Variants in SNTG1 observed in about 807,000 individuals in gnomAD.
SNTG1 encodes gamma-1-syntrophin.
A neutral mutation model predicts 74.7 loss-of-function variants in SNTG1; 39 were observed. That is an observed-to-expected ratio of 0.52 (90% CI 0.40 to 0.68). The LOEUF (loss-of-function observed/expected upper bound fraction) is 0.68. Ranked by LOEUF, SNTG1 falls within the 30% of genes least tolerant of loss-of-function variation. SNTG1 has a pLI of 0.00. For synonymous variants in SNTG1, 254 were observed against 217.1 expected, an observed-to-expected ratio of 1.17 and a Z score of -1.49; for missense variants, 685 against 609.5, an observed-to-expected ratio of 1.12 and a Z score of -1.30.
At chr8:50,274,168 C>A (rs2087948913) in intron 2 of SNTG1, among the ~76,000 whole-genome samples, 1 of 151,806 alleles carries the variant, frequency 6.6e-6, no homozygotes, top group Non-Finnish European at 1.5e-5. Flanking sequence ...GCTCACTGCA[C>A]CCTCGCCTCC....
chr8:50,119,366 G>A (rs1464350301), intron 1 of SNTG1, among the ~76,000 whole-genome samples: 1 of 140,294 alleles, frequency 7.1e-6, no homozygotes, highest in Non-Finnish European at 1.6e-5. Context: ...ACCTTCAGAG[G>A]CAACTTGTGC....
rs540668779 is a variant in SNTG1 at position 50,697,053 on chromosome 8, TATTA to T, written c.1039-7543_1039-7540del. On this transcript the variant is annotated intron_variant, in intron 15 of 18. Transcript: ENST00000642720. ...TTGGGAAATATGGCCATTTTAACAA[TATTA>T]ATTCTATTGATCCATAAGTATGAGC... Among the ~76,000 whole-genome samples the T allele has an allele frequency of 3.0e-4, 46 of 152,268 alleles. 1 individual carries two copies. In the Middle Eastern group the frequency reaches 0.01, roughly 34 times the overall value.
intron 13 of SNTG1, among the ~76,000 whole-genome samples, chr8:50,593,629 A>G (rs2094706820): frequency 6.6e-6 from 1 of 151,718 alleles, no homozygotes; most frequent in South Asian, 2.1e-4. Flanking sequence ...CTCCTACTTC[A>G]CTTTTCATGA....
intron 15 of SNTG1, among the ~76,000 whole-genome samples, chr8:50,686,645 T>C (rs1002551186): frequency 2.6e-5 from 4 of 152,210 alleles, no homozygotes; most frequent in Middle Eastern, 6.8e-3. Context: ...TATTTAAAAA[T>C]TTATTTAAAA....
Position 50,502,887 on chromosome 8 carries a change from A to G in SNTG1, c.466+7A>G. On this transcript the variant is annotated splice_region_variant and intron_variant, in intron 9 of 18. Coordinates refer to ENST00000642720, the MANE Select transcript of SNTG1 (RefSeq NM_018967.5). ...TTGAATGAAGATTGTGCATGTAAGC[A>G]TTTATAAAGAATAGATAAAAGTGCT... is the stretch of plus-strand genomic sequence containing the variant. 3 of 1,602,864 alleles carry G rather than the reference A, an allele frequency of 1.9e-6. No individual in the cohort carries two copies. The South Asian group carries it at 3.3e-5, about 18-fold the overall frequency.
In SNTG1 at chr8:50,300,811, C is replaced by T. The variant is rs34299147; in HGVS notation, c.-27-93401C>T. Among the ~76,000 whole-genome samples, 1,017 of 152,182 alleles carry T rather than the reference C, an allele frequency of 6.7e-3. 4 individuals carry two copies. Among genetic ancestry groups the T allele is most frequent in the Admixed American group, 0.011 (163 of 15,284 alleles). On this transcript the variant is annotated intron_variant, in intron 2 of 18. Transcript: ENST00000642720. Reference sequence around the variant, plus strand: ...TTATCTTGGAATGTATTTAATTTGCCTGTATTCTGAAAGATAGTTTTGTTA... The same window carrying T: ...TTATCTTGGAATGTATTTAATTTGCTTGTATTCTGAAAGATAGTTTTGTTA...
chr8:49,969,385 ATCTTT>A lies in SNTG1; in HGVS notation c.-103+57156_-103+57160del, dbSNP rs1295398671. ...GCAAATACACATTTTAATTCATTTAATCTTTTTTTTTTTTTTTTTTTTTTTTTTTG... is the reference window on the plus strand; with the variant it reads ...GCAAATACACATTTTAATTCATTTAATTTTTTTTTTTTTTTTTTTTTTTTG... On this transcript the variant is annotated intron_variant, in intron 1 of 18. Transcript: ENST00000642720. 8.7e-3 allele frequency among the ~76,000 whole-genome samples: 1,009 copies of A among 116,612 alleles called. 36 individuals carry two copies. Among genetic ancestry groups the A allele is most frequent in the African/African-American group, 0.032 (956 of 30,090 alleles). 76.5% of individuals were successfully genotyped at this position (116,612 alleles called of 152,430 possible).
chr8:50,190,627 CTCTT>C (rs1168470547), intron 2 of SNTG1, among the ~76,000 whole-genome samples: 4 of 151,692 alleles, frequency 2.6e-5, no homozygotes, highest in African/African-American at 9.8e-5. Flanking sequence ...AGAAAATACT[CTCTT>C]TCTCTTTTTT....
intron 2 of SNTG1, among the ~76,000 whole-genome samples, chr8:50,265,847 C>CA (rs903711478): frequency 3.3e-5 from 5 of 151,004 alleles, no homozygotes; most frequent in East Asian, 3.9e-4. Flanking sequence ...ACAATGATAT[C>CA]AAAAAAATGA....
chr8:50,721,935 T>C (rs538396633), intron 17 of SNTG1, among the ~76,000 whole-genome samples: 1 of 152,212 alleles, frequency 6.6e-6, no homozygotes, highest in African/African-American at 2.4e-5. Flanking sequence ...TGAAGTATTT[T>C]CAAATTACTT....
intron 18 of SNTG1, among the ~76,000 whole-genome samples, chr8:50,770,243 A>G (rs1342649193): frequency 5.3e-5 from 8 of 152,220 alleles, no homozygotes; most frequent in Admixed American, 2.6e-4. Context: ...TTGAAATTCC[A>G]CTCTTCTGGA....
chr8:50,737,114 G>A (rs766583611), intron 17 of SNTG1, among the ~76,000 whole-genome samples: 3 of 151,942 alleles, frequency 2.0e-5, no homozygotes, highest in Non-Finnish European at 4.4e-5. Context: ...AAAAATCAAT[G>A]AATCCAGGAG....
intron 15 of SNTG1, among the ~76,000 whole-genome samples, chr8:50,662,779 G>C (rs1422069551): frequency 6.6e-6 from 1 of 151,232 alleles, no homozygotes; most frequent in Non-Finnish European, 1.5e-5. Context: ...GAGTGTATTG[G>C]GCACTATGAA....
chr8:50,591,059 T>C, intron 13 of SNTG1, 142 bp downstream of exon 13: 1 of 500,926 alleles, frequency 2.0e-6, no homozygotes, highest in South Asian at 4.3e-5. Flanking sequence ...ACATTTCAGA[T>C]ATCTCCTTCA....
At chr8:50,544,598 A>G (rs2094372736) in intron 11 of SNTG1, among the ~76,000 whole-genome samples, 1 of 152,114 alleles carries the variant, frequency 6.6e-6, no homozygotes, top group African/African-American at 2.4e-5. Context: ...AATTGTCTGA[A>G]TGGGTCCAGA....
intron 2 of SNTG1, among the ~76,000 whole-genome samples, chr8:50,194,075 T>C (rs769208708): frequency 6.6e-6 from 1 of 152,160 alleles, no homozygotes; most frequent in African/African-American, 2.4e-5. Flanking sequence ...CTGTAGCTAG[T>C]ATTTTGTTTA....
At chr8:50,099,127 CTG>C (rs888871522) in intron 1 of SNTG1, among the ~76,000 whole-genome samples, 7 of 152,088 alleles carry the variant, frequency 4.6e-5, no homozygotes, top group Non-Finnish European at 8.8e-5. Flanking sequence ...ATTTCAGACT[CTG>C]TGTTACTTGA....
intron 15 of SNTG1, among the ~76,000 whole-genome samples, chr8:50,671,632 G>A (rs150804103): frequency 0.015 from 2,291 of 152,232 alleles, 47 homozygotes; most frequent in African/African-American, 0.052. Flanking sequence ...GGAAGTTAGT[G>A]TGGTGATTCC....
intron 1 of SNTG1, among the ~76,000 whole-genome samples, chr8:50,005,004 C>T (rs954534814): frequency 9.2e-5 from 14 of 152,024 alleles, no homozygotes; most frequent in Middle Eastern, 3.4e-3. Flanking sequence ...GCCTTTTCCG[C>T]GAGCCAGATA....
Sources: allele counts gnomAD v4.1 joint callset (sites outside exome capture counted in the v4.1 genomes callset), GRCh38; gene constraint gnomAD v4.1.1; transcripts MANE v1.5; gene names NCBI Gene and HGNC (gene_info 2026-07-23, HGNC 2026-07-21).